CLTCL1: variants seen among roughly 807,000 people sequenced by gnomAD.
CLTCL1 encodes clathrin heavy chain 2.
In CLTCL1, 159 loss-of-function variants were observed where a neutral mutation model predicts 190.0. The observed-to-expected ratio is 0.84, with a 90% CI of 0.74 to 0.95. CLTCL1 has a LOEUF of 0.95. CLTCL1 is among the 40% of genes least tolerant of loss of function. The pLI is 0.00. For synonymous variants in CLTCL1, 752 were observed against 769.6 expected, an observed-to-expected ratio of 0.98 and a Z score of 0.38; for missense variants, 1,878 against 2,033.4, an observed-to-expected ratio of 0.92 and a Z score of 1.47.
chr22:19,272,619 C>T (rs1340072380), intron 2 of CLTCL1, among the ~76,000 whole-genome samples: 1 of 152,006 alleles, frequency 6.6e-6, no homozygotes, highest in Non-Finnish European at 1.5e-5. Context: ...TACAGGTGCA[C>T]GCCACCACGC....
intron 2 of CLTCL1, among the ~76,000 whole-genome samples, chr22:19,256,837 C>T (rs2086777846): frequency 6.6e-6 from 1 of 151,914 alleles, no homozygotes; most frequent in Admixed American, 6.6e-5. Flanking sequence ...TAAAATGATG[C>T]TATAATGAAT....
chr22:19,256,523 A>T (rs1167932953), intron 2 of CLTCL1, among the ~76,000 whole-genome samples: 2 of 150,866 alleles, frequency 1.3e-5, no homozygotes, highest in Non-Finnish European at 3.0e-5. Context: ...CGCCCACCTA[A>T]TTTTCGCATT....
chr22:19,189,835 C>A (rs2084431795), intron 27 of CLTCL1, among the ~76,000 whole-genome samples: 1 of 152,218 alleles, frequency 6.6e-6, no homozygotes, highest in African/African-American at 2.4e-5. Context: ...TACATATACA[C>A]ATGTGGGATG....
At chr22:19,235,593 A>G in intron 6 of CLTCL1, 103 bp downstream of exon 6, 1 of 1,095,866 alleles carries the variant, frequency 9.1e-7, no homozygotes, top group South Asian at 1.5e-5. Flanking sequence ...AACAGGAACT[A>G]TTAATAGCTA....
intron 3 of CLTCL1, among the ~76,000 whole-genome samples, chr22:19,249,508 C>T (rs1555969138): frequency 6.6e-6 from 1 of 151,932 alleles, no homozygotes; most frequent in Admixed American, 6.6e-5. Context: ...GCCTGGCCAA[C>T]ACGGTGAAAC....
At chr22:19,201,584 T>C in intron 22 of CLTCL1, 91 bp from the exon 23 acceptor site, 3 of 1,372,856 alleles carry the variant, frequency 2.2e-6, no homozygotes, top group Middle Eastern at 1.9e-4. Context: ...CAGAGGTATT[T>C]TTCTGTTTGC....
chr22:19,184,433 G>T (rs2084243807), intron 29 of CLTCL1: 1 of 455,580 alleles, frequency 2.2e-6, no homozygotes, highest in African/African-American at 2.0e-5. Context: ...AGGACGCCCA[G>T]TGCCCACATC....
chr22:19,198,004 C>G lies in CLTCL1; in HGVS notation c.3874-1348G>C, dbSNP rs12484329. On this transcript the variant is annotated intron_variant, in intron 24 of 32. Transcript: ENST00000427926. This position sits in a 1 kb window ranked among gnomAD's most constrained non-coding sequence, Gnocchi z 4.1. ...GAGCTCCAGATCTGTCTCCAGCTGC[C>G]TACATGATGCCCCCACCTGAACATC... Among the ~76,000 whole-genome samples the G allele has an allele frequency of 6.6e-6, 1 of 152,186 alleles. No homozygotes were observed. Among genetic ancestry groups the G allele is most frequent in the East Asian group, 1.9e-4 (1 of 5,182 alleles).
In CLTCL1 at chr22:19,234,699, G is replaced by A; in HGVS notation, c.977C>T (p.Ser326Leu). Reference sequence around the variant, plus strand: ...AATGTTATCTTCCTCAACACAAACTGACAGTACCTGTAAGGACACAACAAG... The same window carrying A: ...AATGTTATCTTCCTCAACACAAACTAACAGTACCTGTAAGGACACAACAAG... ...IGVNKKGQVLSVCVEEDNIVN... is the reference protein window; with the variant it reads ...IGVNKKGQVLLVCVEEDNIVN... Residue 326 changes from serine to leucine, a missense_variant, in exon 7 of 33, where the codon TCA (serine) becomes TTA (leucine). Transcript: ENST00000427926. The A allele has an allele frequency of 6.2e-7, 1 of 1,613,726 alleles. No homozygotes were observed. Among genetic ancestry groups the A allele is most frequent in the Non-Finnish European group, 8.5e-7 (1 of 1,179,718 alleles).
intron 2 of CLTCL1, among the ~76,000 whole-genome samples, chr22:19,263,652 C>T (rs1555976615): frequency 6.6e-6 from 1 of 152,124 alleles, no homozygotes; most frequent in African/African-American, 2.4e-5. Context: ...ATCTCCTGAC[C>T]TTGTGATTCT....
Position 19,275,694 on chromosome 22 carries a change from G to A in CLTCL1, c.179C>T (p.Ala60Val). 6.2e-7 allele frequency: 1 copy of A among 1,606,610 alleles called. No homozygotes were observed. The highest frequency in any genetic ancestry group is 8.5e-7 in the Non-Finnish European group (1 of 1,176,528). ...TGCAGAGATAGGCCGTCGGATCGGA[G>A]CCATTGGGTCACTCATGTCAATGAT... Reference protein sequence around the residue: ...VTIIDMSDPMAPIRRPISAES... With the variant: ...VTIIDMSDPMVPIRRPISAES... The change falls in exon 2 of 33, where the codon GCT becomes GTT. Residue 60 changes from alanine to valine, a missense_variant. Transcript: ENST00000427926.
At chr22:19,291,459 C>G (rs1297287637) in intron 1 of CLTCL1, 141 bp downstream of exon 1, 2 of 789,580 alleles carry the variant, frequency 2.5e-6, no homozygotes, top group Non-Finnish European at 3.4e-6. Flanking sequence ...CGCCGCAGCC[C>G]CAGCCCAGGT....
At chr22:19,210,542 AG>A (rs1555946124) in intron 19 of CLTCL1, 33 bp from the exon 20 acceptor site, 1 of 1,593,638 alleles carries the variant, frequency 6.3e-7, no homozygotes, top group Non-Finnish European at 8.6e-7. Flanking sequence ...ACGGCATCCC[AG>A]GAACGAAGGC....
At chr22:19,218,097 C>T (rs1463540562) in intron 18 of CLTCL1, among the ~76,000 whole-genome samples, 3 of 152,164 alleles carry the variant, frequency 2.0e-5, no homozygotes, top group Admixed American at 6.5e-5. Flanking sequence ...AGTTGAATTT[C>T]GCACCAGGAG....
At chr22:19,284,592 G>A (rs1208467459) in intron 1 of CLTCL1, among the ~76,000 whole-genome samples, 4 of 152,014 alleles carry the variant, frequency 2.6e-5, no homozygotes, top group Non-Finnish European at 5.9e-5. Context: ...CACGGGAAGC[G>A]GAGGCTGCAG....
intron 2 of CLTCL1, among the ~76,000 whole-genome samples, chr22:19,274,721 T>C (rs1257801385): frequency 6.6e-6 from 1 of 151,284 alleles, no homozygotes; most frequent in East Asian, 1.9e-4. Context: ...TTTTTGCTTT[T>C]CTTTGTTTCT....
intron 24 of CLTCL1, among the ~76,000 whole-genome samples, chr22:19,199,404 C>T (rs2084808606): frequency 6.6e-6 from 1 of 152,214 alleles, no homozygotes; most frequent in African/African-American, 2.4e-5. Context: ...TCTGCCACCA[C>T]CAGCCCAGTA....
Position 19,210,386 on chromosome 22 carries a change from T to C in CLTCL1, c.3189A>G (p.Ala1063=), listed in dbSNP as rs698423. 0.68 allele frequency: 1,100,092 copies of C among 1,613,670 alleles called. 382,642 individuals carry two copies. The highest frequency in any genetic ancestry group is 0.95 in the East Asian group (42,481 of 44,856). The change falls in exon 20 of 33, where the codon GCA becomes GCG. Residue 1063 remains alanine (A), a synonymous_variant. Coordinates refer to ENST00000427926, the MANE Select transcript of CLTCL1 (RefSeq NM_007098.4). The part of the protein sequence containing the change: ...LDIASIAVSS[A]LYEEAFTVFH... ...AAACGGTGAAGGCCTCCTCATACAG[T>C]GCGCTGCTGACAGCGATGCTCGCGA...
At chr22:19,239,124 C>G (rs556843703) in intron 5 of CLTCL1, 151 bp downstream of exon 5, 1 of 654,632 alleles carries the variant, frequency 1.5e-6, no homozygotes, top group Non-Finnish European at 2.7e-6. Context: ...CCAGCTCACA[C>G]GCCAAAGCCT....
Sources: gnomAD v4.1 joint callset for allele counts (sites outside exome capture counted in the v4.1 genomes callset) on GRCh38, gnomAD v4.1.1 for gene constraint, Gnocchi (gnomAD v3.1) non-coding constraint, MANE v1.5 for transcripts, NCBI Gene and HGNC (gene_info 2026-07-23, HGNC 2026-07-21) for gene names.